The following EVC2 variants were observed in gnomAD, a reference collection of about 807,000 sequenced individuals.
EVC2 encodes EvC ciliary complex subunit 2.
In EVC2, 148 loss-of-function variants were observed where a neutral mutation model predicts 149.3. That is an observed-to-expected ratio of 0.99 (90% confidence interval 0.87 to 1.14). The LOEUF (loss-of-function observed/expected upper bound fraction) is 1.14, where lower values mean the gene tolerates loss of function less well. EVC2 is among the 50% of genes most tolerant of loss of function. EVC2 has a pLI of 0.00. For synonymous variants in EVC2, 776 were observed against 649.9 expected (o/e 1.19, Z -2.95); for missense variants, 1,854 against 1,627.3 (o/e 1.14, Z -2.40).
chr4:5,552,174 T>C (rs1265256791), intron 21 of EVC2, among the ~76,000 whole-genome samples: 5 of 152,226 alleles, frequency 3.3e-5, no homozygotes, highest in African/African-American at 1.2e-4. Flanking sequence ...CCATTTTACA[T>C]ACTGACCTTC....
chr4:5,605,240 G>A (rs1457330269), intron 16 of EVC2, among the ~76,000 whole-genome samples: 2 of 152,206 alleles, frequency 1.3e-5, no homozygotes, highest in Admixed American at 1.3e-4. Flanking sequence ...CACATCACGC[G>A]CAGGACTTAG....
At chr4:5,674,142 C>T (rs1226327699) in intron 7 of EVC2, among the ~76,000 whole-genome samples, 2 of 152,316 alleles carry the variant, frequency 1.3e-5, no homozygotes, top group East Asian at 3.9e-4. Flanking sequence ...GCCCTTGTCA[C>T]ACAGTCCCTG....
chr4:5,535,743 C>G, the EVC2 span, among the ~76,000 whole-genome samples: 1 of 152,164 alleles, frequency 6.6e-6, no homozygotes, highest in Non-Finnish European at 1.5e-5. This position sits in a 1 kb window ranked among gnomAD's most constrained non-coding sequence, Gnocchi z 4.7. Context: ...AGCCCCACCT[C>G]AAAATACCAT....
intron 21 of EVC2, among the ~76,000 whole-genome samples, chr4:5,551,010 T>A (rs1438432511): frequency 6.6e-6 from 1 of 152,138 alleles, no homozygotes; most frequent in Non-Finnish European, 1.5e-5. Flanking sequence ...AGAAATTGTA[T>A]GGAAATGCCT....
At chr4:5,689,959 C>A (rs998581716) in intron 4 of EVC2, among the ~76,000 whole-genome samples, 1 of 152,150 alleles carries the variant, frequency 6.6e-6, no homozygotes, top group Non-Finnish European at 1.5e-5. Context: ...TCCAGCTCTG[C>A]TGAAATACAT....
At chr4:5,591,477 G>C (rs907692711) in intron 16 of EVC2, among the ~76,000 whole-genome samples, 1 of 152,168 alleles carries the variant, frequency 6.6e-6, no homozygotes, top group African/African-American at 2.4e-5. Context: ...GTGGGTGGGT[G>C]GTGGTCCAAG....
intron 16 of EVC2, among the ~76,000 whole-genome samples, chr4:5,605,839 C>A (rs1714353621): frequency 6.6e-6 from 1 of 152,216 alleles, no homozygotes; most frequent in Non-Finnish European, 1.5e-5. Flanking sequence ...ACTGACCCAA[C>A]TGAGCATCAC....
At chr4:5,540,610 G>A (rs891251798), downstream of EVC2, among the ~76,000 whole-genome samples, 10 of 152,146 alleles carry the variant, frequency 6.6e-5, no homozygotes, top group African/African-American at 1.9e-4. Context: ...AAATGCAAAC[G>A]AATCTACAGT....
At chr4:5,600,164 G>T (rs771796964) in intron 16 of EVC2, among the ~76,000 whole-genome samples, 1 of 152,148 alleles carries the variant, frequency 6.6e-6, no homozygotes, top group Non-Finnish European at 1.5e-5. Context: ...TGTGACCAAG[G>T]CAAGTTGCTT....
rs562708495 is a variant in EVC2, at chr4:5,675,666, T to G, written c.870+5594A>C. 1.8e-4 allele frequency among the ~76,000 whole-genome samples: 28 copies of G among 152,296 alleles called. No individual in the cohort carries two copies. In the South Asian group the frequency reaches 5.4e-3, roughly 29 times the overall value. On this transcript the variant is annotated intron_variant, in intron 7 of 21. Coordinates refer to ENST00000344408, the MANE Select transcript of EVC2 (RefSeq NM_147127.5). The stretch of plus-strand genomic sequence containing the variant: ...TCCCATTAAAATTAGTATTGGAGCC[T>G]GGGTGCGGTGGCTCATGCCTGTAAT...
In EVC2 at chr4:5,628,666, G is replaced by A. The variant is rs1716305511; in HGVS notation, c.1779C>T (p.Gly593=). 1.9e-6 allele frequency: 3 copies of A among 1,613,568 alleles called. No individual in the cohort carries two copies. Among genetic ancestry groups the A allele is most frequent in the East Asian group, 4.5e-5 (2 of 44,842 alleles). ...SKRYHLSKRF[G]HREYLVQNLQ... is the part of the protein sequence containing the mutation. ...GGTTCTGGACCAGATATTCCCTGTG[G>A]CCAAATCTTTTACTTAGATGATACC... Residue 593 remains glycine (G), a synonymous_variant, in exon 12 of 22, where the codon GGC becomes GGT. Transcript: ENST00000344408.
intron 9 of EVC2, among the ~76,000 whole-genome samples, chr4:5,650,624 TATATATATATATATAG>T (rs1389865513): frequency 6.7e-4 from 57 of 84,648 alleles, no homozygotes; most frequent in African/African-American, 9.6e-4. Flanking sequence ...TATATATATA[TATATATATATATATAG>T]AGAGAGAGAG....
intron 9 of EVC2, 22 bp downstream of exon 9, chr4:5,663,084 AT>A: frequency 1.9e-6 from 3 of 1,613,778 alleles, no homozygotes. Flanking sequence ...GTGTGTAAGT[AT>A]AATGGGATTT....
intron 5 of EVC2, among the ~76,000 whole-genome samples, chr4:5,687,344 G>A (rs1002040789): frequency 1.4e-4 from 22 of 152,170 alleles, no homozygotes; most frequent in African/African-American, 5.3e-4. Context: ...CCACAGCCGG[G>A]CTGCGTCATA....
intron 7 of EVC2, 38 bp downstream of exon 7, chr4:5,681,222 G>A (rs757927237): frequency 1.9e-6 from 3 of 1,610,496 alleles, no homozygotes; most frequent in East Asian, 2.2e-5. Context: ...CAGCACAGGT[G>A]TGTCCTGAGG....
intron 21 of EVC2, among the ~76,000 whole-genome samples, chr4:5,547,994 G>A (rs910635913): frequency 1.3e-5 from 2 of 152,118 alleles, no homozygotes; most frequent in Non-Finnish European, 2.9e-5. Context: ...GGTGCACCTG[G>A]TCTAGCCACA....
intron 9 of EVC2, among the ~76,000 whole-genome samples, chr4:5,654,780 C>T (rs1015194749): frequency 1.3e-5 from 2 of 152,182 alleles, no homozygotes; most frequent in African/African-American, 4.8e-5. Flanking sequence ...GTTGTTGAGT[C>T]AGGCCCCTAT....
downstream of EVC2, among the ~76,000 whole-genome samples, chr4:5,560,154 C>G (rs1415261202): frequency 6.6e-6 from 1 of 151,700 alleles, no homozygotes; most frequent in Non-Finnish European, 1.5e-5. This position sits in a 1 kb window ranked among gnomAD's most constrained non-coding sequence, Gnocchi z 4.1. Flanking sequence ...AAGTAACAAA[C>G]CCCAAACTTG....
rs139713780 is a variant in EVC2, at chr4:5,571,175, G to A, written c.3361-2535C>T. Among the ~76,000 whole-genome samples the A allele has an allele frequency of 1.5e-3, 234 of 151,902 alleles. 2 individuals carry two copies. The highest frequency in any genetic ancestry group is 5.3e-3 in the African/African-American group (218 of 41,404). ...TACTGAAAATACAAAAAAATTAGCC[G>A]GGCGTGGTGGCGTGTGCCTGTAATC... On this transcript the variant is annotated intron_variant, in intron 19 of 21. Transcript: ENST00000344408.
Sources: allele counts gnomAD v4.1 joint callset (sites outside exome capture counted in the v4.1 genomes callset), GRCh38; gene constraint gnomAD v4.1.1; non-coding constraint Gnocchi (gnomAD v3.1); transcripts MANE v1.5; gene names NCBI Gene and HGNC (gene_info 2026-07-23, HGNC 2026-07-21).